The following INCENP variants were observed in gnomAD, a reference collection of about 807,000 sequenced individuals.
The protein encoded by INCENP is inner centromere protein, also known as binds and activates aurora-B and -C in vivo and in vitro.
A neutral mutation model predicts 107.3 loss-of-function variants in INCENP; 43 were observed. The ratio of observed to expected loss-of-function variants is 0.40; its 90% CI spans 0.31 to 0.52. INCENP has a LOEUF of 0.52. INCENP is among the 20% of genes least tolerant of loss of function. The pLI is 0.53. For synonymous variants in INCENP, 488 were observed against 494.4 expected, an observed-to-expected ratio of 0.99 and a Z score of 0.17; for missense variants, 1,089 against 1,250.9, an observed-to-expected ratio of 0.87 and a Z score of 1.95.
intron 4 of INCENP, among the ~76,000 whole-genome samples, chr11:62,133,250 T>A (rs1943926130): frequency 6.6e-6 from 1 of 152,046 alleles, no homozygotes; most frequent in South Asian, 2.1e-4. Flanking sequence ...CAAATTTAAT[T>A]TCCCAAAAAT....
Position 62,152,003 on chromosome 11 carries a change from C to T in INCENP, c.*27C>T, listed in dbSNP as rs1944385938. On this transcript the variant is annotated 3_prime_UTR_variant, in exon 19 of 19. Coordinates refer to ENST00000394818, the MANE Select transcript of INCENP (RefSeq NM_001040694.2). Reference sequence around the variant, plus strand: ...GCTGGCCTGCGGCCTTCTTGGCAGCCTCGCCTCCTGTCCATGTCTATCTGT... The same window carrying T: ...GCTGGCCTGCGGCCTTCTTGGCAGCTTCGCCTCCTGTCCATGTCTATCTGT... 4.6e-6 allele frequency: 7 copies of T among 1,532,432 alleles called. No individual in the cohort carries two copies. The South Asian group carries it at 6.7e-5, about 15-fold the overall frequency. The allele number at this position is 1,532,432 out of a possible 1,614,324, so 94.9% of individuals were successfully genotyped here. A position where few individuals can be genotyped will look rare whatever the true frequency, so the allele number is the denominator to read the frequency against.
In INCENP at chr11:62,140,704, G is replaced by T; in HGVS notation, c.1344G>T (p.Arg448Ser). ...DGPREPPQSARRKRSYKQAVS... is the reference protein window; with the variant it reads ...DGPREPPQSASRKRSYKQAVS... ...GATGCCGCCGCCCGCGCCTTGGCAG[G>T]AGGAAGCGCAGCTACAAGCAGGCCG... The change falls in exon 9 of 19, where the codon AGG becomes AGT. Residue 448 changes from arginine to serine, a missense_variant and splice_region_variant. Coordinates refer to ENST00000394818, the MANE Select transcript of INCENP (RefSeq NM_001040694.2). The T allele has an allele frequency of 1.3e-6, 2 of 1,561,806 alleles. No homozygotes were observed. The highest frequency in any genetic ancestry group is 1.7e-6 in the Non-Finnish European group (2 of 1,154,354).
chr11:62,141,163 G>T, intron 10 of INCENP, 119 bp downstream of exon 10: 1 of 1,375,168 alleles, frequency 7.3e-7, no homozygotes, highest in Non-Finnish European at 9.9e-7. Context: ...GTGTGGCCTG[G>T]CACTGTTAGG....
At position 62,129,636 on chromosome 11, in the gene INCENP, A is replaced by C. The variant is rs1943835176; in HGVS notation, c.255-146A>C. 1.1e-5 allele frequency: 7 copies of C among 654,326 alleles called. No homozygotes were observed. The Admixed American group carries it at 1.5e-4, about 14-fold the overall frequency. 40.5% of individuals were successfully genotyped at this position (654,326 alleles called of 1,614,324 possible). A position where few individuals can be genotyped will look rare whatever the true frequency, so the allele number is the denominator to read the frequency against. ...AAGAATGGCCTGGGGCCTCATGGCT[A>C]GAGGTGGCAGAATCTGGCCTGGAAC... On this transcript the variant is annotated intron_variant, in intron 3 of 18. Transcript: ENST00000394818.
intron 4 of INCENP, among the ~76,000 whole-genome samples, chr11:62,136,630 G>A (rs375300412): frequency 1.5e-4 from 23 of 152,182 alleles, no homozygotes; most frequent in East Asian, 5.8e-4. Flanking sequence ...GCAGTGAGCT[G>A]AGATTGCGCC....
At chr11:62,145,848 G>A in intron 14 of INCENP, 97 bp downstream of exon 14, 1 of 1,368,756 alleles carries the variant, frequency 7.3e-7, no homozygotes, top group Non-Finnish European at 9.8e-7. Context: ...TTGTGGGGTT[G>A]ACCCAGACCA....
intron 11 of INCENP, among the ~76,000 whole-genome samples, chr11:62,142,281 G>A (rs1304365373): frequency 2.0e-5 from 3 of 152,256 alleles, no homozygotes; most frequent in Non-Finnish European, 4.4e-5. Flanking sequence ...GCCTCGGCAG[G>A]TGAGAGGGGC....
intron 1 of INCENP, among the ~76,000 whole-genome samples, chr11:62,125,359 T>C (rs977164521): frequency 6.6e-6 from 1 of 152,244 alleles, no homozygotes; most frequent in Non-Finnish European, 1.5e-5. Context: ...AAATACTTTT[T>C]AAAAAGTTAG....
intron 4 of INCENP, among the ~76,000 whole-genome samples, chr11:62,130,936 C>G (rs1055814954): frequency 6.6e-6 from 1 of 152,218 alleles, no homozygotes; most frequent in Non-Finnish European, 1.5e-5. Context: ...TCGGGAAGGT[C>G]GGCCACTGTG....
intron 3 of INCENP, among the ~76,000 whole-genome samples, 189 bp from the exon 4 acceptor site, chr11:62,129,593 G>A (rs141114165): frequency 2.0e-5 from 3 of 152,298 alleles, no homozygotes; most frequent in African/African-American, 7.2e-5. Flanking sequence ...TTACAGTTAG[G>A]AAGACTGCGG....
intron 8 of INCENP, 139 bp from the exon 9 acceptor site, chr11:62,140,565 G>T: frequency 1.4e-6 from 1 of 734,918 alleles, no homozygotes. Context: ...GGCAGCAGAG[G>T]GTTGCTTAGG....
At position 62,130,518 on chromosome 11, in the gene INCENP, G is replaced by A; in HGVS notation, c.991G>A (p.Val331Ile). The change falls in exon 4 of 19, where the codon GTT becomes ATT. Residue 331 changes from valine to isoleucine, a missense_variant. Physicochemically the swap from Val to Ile is conservative, Grantham distance 29 (BLOSUM62 3). Coordinates refer to ENST00000394818, the MANE Select transcript of INCENP (RefSeq NM_001040694.2). ...CTCTCTGGTGGCCAAACAGGAAAGT[G>A]TTGTCCGCAGGGCGAGCAGAAGGCT... Reference protein sequence around the residue: ...KYSLVAKQESVVRRASRRLAK... With the variant: ...KYSLVAKQESIVRRASRRLAK... The A allele has an allele frequency of 6.2e-7, 1 of 1,614,102 alleles. No homozygotes were observed. The highest frequency in any genetic ancestry group is 8.5e-7 in the Non-Finnish European group (1 of 1,180,044).
intron 5 of INCENP, 83 bp downstream of exon 5, chr11:62,137,966 T>C: frequency 1.6e-6 from 2 of 1,262,852 alleles, no homozygotes; most frequent in East Asian, 4.6e-5. Context: ...TGGAAGCAAT[T>C]CCTGGGCTGA....
intron 4 of INCENP, among the ~76,000 whole-genome samples, chr11:62,137,363 T>C (rs991516496): frequency 2.0e-5 from 3 of 152,346 alleles, no homozygotes; most frequent in Non-Finnish European, 1.5e-5. Context: ...GTGTTGTTGA[T>C]AGGACTATTT....
rs1943795317 is a variant in INCENP at position 62,128,100 on chromosome 11, G to C, written c.-11-51G>C. 1.9e-6 allele frequency: 3 copies of C among 1,602,238 alleles called. No homozygotes were observed. The Admixed American group carries it at 5.0e-5, about 27-fold the overall frequency. Reference sequence around the variant, plus strand: ...GTATTGCAGCTTGGAGAAAGCCCCAGACCCCTACCCTGGGCCCCTAACTTG... The same window carrying C: ...GTATTGCAGCTTGGAGAAAGCCCCACACCCCTACCCTGGGCCCCTAACTTG... On this transcript the variant is annotated intron_variant, in intron 1 of 18. Coordinates refer to ENST00000394818, the MANE Select transcript of INCENP (RefSeq NM_001040694.2).
At position 62,139,041 on chromosome 11, in the gene INCENP, A is replaced by G. The variant is rs1565096608; in HGVS notation, c.1291+36A>G. The G allele has an allele frequency of 2.0e-6, 3 of 1,484,814 alleles. No individual in the cohort carries two copies. In the Admixed American group the frequency reaches 5.0e-5, roughly 25 times the overall value. The allele number at this position is 1,484,814 out of a possible 1,614,324, so 92.0% of individuals were successfully genotyped here. On this transcript the variant is annotated intron_variant, in intron 7 of 18. Coordinates refer to ENST00000394818, the MANE Select transcript of INCENP (RefSeq NM_001040694.2). ...CTGACCTGCCGTGTGCAGTGCCCGG[A>G]GCCACAGCGGGCCTTGGCGGCCTCG...
intron 13 of INCENP, 68 bp from the exon 14 acceptor site, chr11:62,145,561 G>A: frequency 1.3e-6 from 2 of 1,530,102 alleles, no homozygotes; most frequent in Non-Finnish European, 1.8e-6. Context: ...GTCACACACA[G>A]TTCTGGGCTC....
chr11:62,131,065 T>C (rs963663651), intron 4 of INCENP, among the ~76,000 whole-genome samples: 2 of 152,170 alleles, frequency 1.3e-5, no homozygotes, highest in Non-Finnish European at 2.9e-5. Context: ...GCGCGCCGCC[T>C]ATTGGCGACA....
In INCENP at chr11:62,152,211, A is replaced by C. The variant is rs1426185473; in HGVS notation, c.*235A>C. The C allele has an allele frequency of 1.8e-6, 1 of 569,582 alleles. No individual in the cohort carries two copies. The highest frequency in any genetic ancestry group is 3.1e-5 in the Admixed American group (1 of 31,964). 35.3% of individuals were successfully genotyped at this position (569,582 alleles called of 1,614,324 possible). Reference sequence around the variant, plus strand: ...GTGGGGAAGAAATGGGCCCAGCCCCACATGGCCTGCAGACAGTGCTCTGTA... The same window carrying C: ...GTGGGGAAGAAATGGGCCCAGCCCCCCATGGCCTGCAGACAGTGCTCTGTA... On this transcript the variant is annotated 3_prime_UTR_variant, in exon 19 of 19. Coordinates refer to ENST00000394818, the MANE Select transcript of INCENP (RefSeq NM_001040694.2).
Sources: gnomAD v4.1 joint callset for allele counts (sites outside exome capture counted in the v4.1 genomes callset) on GRCh38, gnomAD v4.1.1 for gene constraint, MANE v1.5 for transcripts, NCBI Gene and HGNC (gene_info 2026-07-23, HGNC 2026-07-21) for gene names.